EPHB1: variants seen among roughly 807,000 people sequenced by gnomAD.
EPHB1 encodes the protein EPH receptor B1.
In EPHB1, 30 loss-of-function variants were observed where a neutral mutation model predicts 94.4. The ratio of observed to expected loss-of-function variants is 0.32; its 90% CI spans 0.24 to 0.43. The LOEUF is 0.43. Among genes scored for constraint, EPHB1 ranks in the 20% least tolerant of loss-of-function variants. The pLI is 1.00. For missense variants in EPHB1, 1,055 were observed against 1,308.3 expected (o/e 0.81, Z 2.99); for synonymous variants, 522 against 489.1 (o/e 1.07, Z -0.89).
chr3:134,958,537 G>C (rs1933375739), intron 3 of EPHB1, among the ~76,000 whole-genome samples: 1 of 152,086 alleles, frequency 6.6e-6, no homozygotes, highest in Non-Finnish European at 1.5e-5. Context: ...TGGTGAGAGG[G>C]AAACCACAGC....
intron 12 of EPHB1, among the ~76,000 whole-genome samples, chr3:135,236,814 T>G (rs1314438631): frequency 6.6e-6 from 1 of 152,210 alleles, no homozygotes; most frequent in Non-Finnish European, 1.5e-5. Context: ...TGGAGAAAAG[T>G]GCTGTAGCAA....
At chr3:134,911,101 C>A in intron 1 of EPHB1, among the ~76,000 whole-genome samples, 2 of 152,346 alleles carry the variant, frequency 1.3e-5, no homozygotes, top group East Asian at 3.9e-4. Context: ...GACCAGACTT[C>A]CACCTTGCAT....
chr3:135,040,856 T>C (rs558659127), intron 3 of EPHB1, among the ~76,000 whole-genome samples: 2 of 152,184 alleles, frequency 1.3e-5, no homozygotes. Context: ...ATAGAGGAAG[T>C]GGATGAGGAG....
intron 9 of EPHB1, among the ~76,000 whole-genome samples, chr3:135,176,435 C>A (rs148544054): frequency 6.6e-6 from 1 of 152,332 alleles, no homozygotes; most frequent in East Asian, 1.9e-4. Context: ...TGCATCACTA[C>A]TCCAGGCAGC....
At chr3:135,110,280 A>G (rs923033278) in intron 4 of EPHB1, among the ~76,000 whole-genome samples, 5 of 152,156 alleles carry the variant, frequency 3.3e-5, no homozygotes, top group Non-Finnish European at 7.4e-5. Flanking sequence ...TTCAAATGCA[A>G]TGGGCTTCCC....
At chr3:134,889,084 T>C (rs1315940407) in intron 1 of EPHB1, among the ~76,000 whole-genome samples, 4 of 152,332 alleles carry the variant, frequency 2.6e-5, no homozygotes, top group Non-Finnish European at 4.4e-5. Flanking sequence ...CGATGGAAGC[T>C]GTTAAAGAGT....
intron 1 of EPHB1, among the ~76,000 whole-genome samples, chr3:134,897,373 C>A (rs903319472): frequency 2.6e-5 from 4 of 152,052 alleles, no homozygotes; most frequent in Non-Finnish European, 5.9e-5. Context: ...TGCTGGTGGG[C>A]AAAGAAAGGG....
rs757883750 is a variant in EPHB1, at chr3:135,192,719, G to C, written c.2026G>C (p.Asp676His). 6.2e-7 allele frequency: 1 copy of C among 1,614,134 alleles called. No individual in the cohort carries two copies. The highest frequency in any genetic ancestry group is 8.5e-7 in the Non-Finnish European group (1 of 1,180,024). Residue 676 changes from aspartate (D) to histidine (H), a missense_variant, in exon 11 of 16, where the codon GAC (aspartate) becomes CAC (histidine). Coordinates refer to ENST00000398015, the MANE Select transcript of EPHB1 (RefSeq NM_004441.5). ...TGAGGCGAGCATCATGGGCCAGTTC[G>C]ACCATCCTAACATCATTCGCCTGGA... ...LSEASIMGQF[D>H]HPNIIRLEGV...
At chr3:134,870,754 T>A (rs1038056396) in intron 1 of EPHB1, among the ~76,000 whole-genome samples, 3 of 152,214 alleles carry the variant, frequency 2.0e-5, no homozygotes, top group Non-Finnish European at 4.4e-5. Flanking sequence ...CATAGTGTTG[T>A]GAGGGTTAAA....
At chr3:135,001,835 C>T (rs939480761) in intron 3 of EPHB1, among the ~76,000 whole-genome samples, 7 of 152,204 alleles carry the variant, frequency 4.6e-5, no homozygotes, top group Non-Finnish European at 7.3e-5. Context: ...ATAGTATCCT[C>T]ATGTATGGAT....
chr3:135,155,481 A>G (rs1941324379), intron 6 of EPHB1, among the ~76,000 whole-genome samples: 1 of 152,044 alleles, frequency 6.6e-6, no homozygotes, highest in Non-Finnish European at 1.5e-5. Context: ...CAGATGAGAG[A>G]GATTACCAGA....
At chr3:135,027,176 T>C (rs2107757768) in intron 3 of EPHB1, among the ~76,000 whole-genome samples, 1 of 151,642 alleles carries the variant, frequency 6.6e-6, no homozygotes, top group South Asian at 2.1e-4. Context: ...ACAATTTGAC[T>C]TCCTCTTTTC....
intron 1 of EPHB1, among the ~76,000 whole-genome samples, chr3:134,843,327 T>C (rs1238723078): frequency 2.0e-5 from 3 of 152,230 alleles, no homozygotes; most frequent in Non-Finnish European, 4.4e-5. Flanking sequence ...GTCTTTGTCT[T>C]TAAACATTTG....
At chr3:135,030,535 CG>C (rs1040457511) in intron 3 of EPHB1, among the ~76,000 whole-genome samples, 6 of 152,168 alleles carry the variant, frequency 3.9e-5, no homozygotes, top group South Asian at 2.1e-4. Context: ...TTAGGCTGGT[CG>C]GGGGTCAGGG....
intron 2 of EPHB1, among the ~76,000 whole-genome samples, chr3:134,937,219 CT>C (rs1265970883): frequency 6.6e-6 from 1 of 152,238 alleles, no homozygotes; most frequent in Non-Finnish European, 1.5e-5. Context: ...GCAGAGTTTT[CT>C]GCAGGGCTTC....
intron 3 of EPHB1, among the ~76,000 whole-genome samples, chr3:134,988,194 G>C (rs1469609929): frequency 6.6e-6 from 1 of 152,184 alleles, no homozygotes; most frequent in Non-Finnish European, 1.5e-5. Flanking sequence ...CTGTCCTTCT[G>C]AGCCACTGTA....
chr3:135,162,693 T>C (rs1941543086), intron 7 of EPHB1, among the ~76,000 whole-genome samples: 1 of 152,156 alleles, frequency 6.6e-6, no homozygotes, highest in South Asian at 2.1e-4. Flanking sequence ...CTCGGATGTC[T>C]CCAGAGAGAA....
At chr3:135,120,392 G>T (rs551207302) in intron 4 of EPHB1, among the ~76,000 whole-genome samples, 1 of 152,286 alleles carries the variant, frequency 6.6e-6, no homozygotes, top group South Asian at 2.1e-4. Flanking sequence ...AACAGGTTAT[G>T]ATTATTAACA....
intron 1 of EPHB1, among the ~76,000 whole-genome samples, chr3:134,796,592 C>G (rs2035832221): frequency 2.0e-5 from 3 of 152,236 alleles, no homozygotes; most frequent in Admixed American, 2.0e-4. Flanking sequence ...GTAGCGCTCG[C>G]GAATCCCTGT....
Sources: allele counts gnomAD v4.1 joint callset (sites outside exome capture counted in the v4.1 genomes callset), GRCh38; gene constraint gnomAD v4.1.1; transcripts MANE v1.5; gene names NCBI Gene and HGNC (gene_info 2026-07-23, HGNC 2026-07-21).